The following SPAG6 variants were observed in gnomAD, a reference collection of about 807,000 sequenced individuals.
SPAG6 encodes sperm-associated antigen 6.
SPAG6 carries 49 observed loss-of-function variants against 58.5 expected under a neutral mutation model. The observed-to-expected ratio is 0.84, with a 90% CI of 0.67 to 1.06. SPAG6 has a LOEUF of 1.06. SPAG6 is among the 50% of genes least tolerant of loss of function. SPAG6 has a pLI of 0.00. For synonymous variants in SPAG6, 233 were observed against 225.6 expected (o/e 1.03, Z -0.29); for missense variants, 560 against 611.3 (o/e 0.92, Z 0.89).
intron 8 of SPAG6, among the ~76,000 whole-genome samples, chr10:22,397,460 G>A (rs1232615848): frequency 6.6e-6 from 1 of 152,088 alleles, no homozygotes; most frequent in Non-Finnish European, 1.5e-5. Context: ...TTACAGGCAT[G>A]TACCACCATG....
chr10:22,416,789 T>G lies in SPAG6; in HGVS notation c.*101T>G. The G allele has an allele frequency of 1.5e-6, 1 of 657,226 alleles. No homozygotes were observed. The highest frequency in any genetic ancestry group is 2.7e-6 in the Non-Finnish European group (1 of 365,086). 40.7% of individuals were successfully genotyped at this position (657,226 alleles called of 1,614,324 possible). A position where few individuals can be genotyped will look rare whatever the true frequency, so the allele number is the denominator to read the frequency against. ...TGAACTAAGTATATTCTAGATTTAT[T>G]TAATGGGAAATACCTTTAGATAATA... is the stretch of plus-strand genomic sequence containing the variant. On this transcript the variant is annotated 3_prime_UTR_variant, in exon 11 of 11. Transcript: ENST00000376624.
intron 4 of SPAG6, among the ~76,000 whole-genome samples, chr10:22,383,941 C>T (rs1451638502): frequency 1.3e-5 from 2 of 152,198 alleles, no homozygotes; most frequent in Non-Finnish European, 2.9e-5. Flanking sequence ...GTACAGACAC[C>T]AAGCATAAGA....
intron 4 of SPAG6, among the ~76,000 whole-genome samples, chr10:22,373,166 T>C (rs1014951009): frequency 6.6e-6 from 1 of 152,194 alleles, no homozygotes; most frequent in Non-Finnish European, 1.5e-5. Context: ...AGTTGGGAGA[T>C]GAGCTTGCTG....
chr10:22,416,437 TC>T (rs1445603620), intron 10 of SPAG6, among the ~76,000 whole-genome samples, 181 bp from the exon 11 acceptor site: 1 of 152,194 alleles, frequency 6.6e-6, no homozygotes, highest in Non-Finnish European at 1.5e-5. Flanking sequence ...TTTTATGAAT[TC>T]GTATTTTCCT....
At chr10:22,382,919 T>C (rs1218845022) in intron 4 of SPAG6, among the ~76,000 whole-genome samples, 1 of 152,232 alleles carries the variant, frequency 6.6e-6, no homozygotes, top group Non-Finnish European at 1.5e-5. Context: ...CAACCCAGTA[T>C]AAATGCTGTT....
At chr10:22,375,585 C>CTTT (rs928312845) in intron 4 of SPAG6, among the ~76,000 whole-genome samples, 1 of 126,192 alleles carries the variant, frequency 7.9e-6, no homozygotes, top group Non-Finnish European at 1.7e-5. Flanking sequence ...AAAGGATTTT[C>CTTT]TTTTTTTTTT....
Position 22,416,887 on chromosome 10 carries a change from T to C in SPAG6, c.*199T>C. On this transcript the variant is annotated 3_prime_UTR_variant, in exon 11 of 11. Transcript: ENST00000376624. ...GAGGAACTATTCATGGTCATTCGCATGCATAGGATTTGTTCTACAGGTAGA... is the reference window on the plus strand; with the variant it reads ...GAGGAACTATTCATGGTCATTCGCACGCATAGGATTTGTTCTACAGGTAGA... 2.4e-6 allele frequency: 1 copy of C among 420,924 alleles called. No individual in the cohort carries two copies. The allele number at this position is 420,924 out of a possible 1,614,324, so 26.1% of individuals were successfully genotyped here. A position where few individuals can be genotyped will look rare whatever the true frequency, so the allele number is the denominator to read the frequency against.
chr10:22,376,444 A>G (rs867994813), intron 4 of SPAG6, among the ~76,000 whole-genome samples: 10 of 152,216 alleles, frequency 6.6e-5, no homozygotes, highest in African/African-American at 2.4e-4. Context: ...AAATTACATT[A>G]TGTAGATAAT....
Position 22,379,565 on chromosome 10 carries a change from G to A in SPAG6, c.473-7189G>A, listed in dbSNP as rs75610312. ...TAAAGATTCCCTTTAACCCTCCCAC[G>A]AGTGTGCCTGGACACATATCCTCAA... is the stretch of plus-strand genomic sequence containing the variant. On this transcript the variant is annotated intron_variant, in intron 4 of 10. Transcript: ENST00000376624. Among the ~76,000 whole-genome samples the A allele has an allele frequency of 3.5e-4, 53 of 152,182 alleles. 2 individuals carry two copies. In the East Asian group the frequency reaches 9.3e-3, roughly 27 times the overall value.
At chr10:22,361,103 G>T in intron 2 of SPAG6, 1 of 395,268 alleles carries the variant, frequency 2.5e-6, no homozygotes, top group Non-Finnish European at 4.5e-6. Flanking sequence ...TAGAAATTTG[G>T]GGTACTATTT....
rs76281730 is a variant in SPAG6 at position 22,359,276 on chromosome 10, A to C, written c.122-5577A>C. Reference sequence around the variant, plus strand: ...TTGAATGAACTATAGTAGTAGTGTCATAGTAAGTGGTTACATAGAATGTAG... The same window carrying C: ...TTGAATGAACTATAGTAGTAGTGTCCTAGTAAGTGGTTACATAGAATGTAG... On this transcript the variant is annotated intron_variant, in intron 2 of 10. Coordinates refer to ENST00000376624, the MANE Select transcript of SPAG6 (RefSeq NM_012443.4). 1,544 of 191,790 alleles carry C rather than the reference A, an allele frequency of 8.1e-3. 25 individuals are homozygous for C. Among genetic ancestry groups the C allele is most frequent in the African/African-American group, 0.034 (1,421 of 42,326 alleles). The allele number at this position is 191,790 out of a possible 1,614,324, so 11.9% of individuals were successfully genotyped here.
At chr10:22,412,626 A>C in intron 10 of SPAG6, 1 of 575,000 alleles carries the variant, frequency 1.7e-6, no homozygotes, top group South Asian at 2.8e-5. Flanking sequence ...GCTGGAGTGC[A>C]GTAGCGCGAT....
At chr10:22,406,406 A>T (rs1475910899) in intron 9 of SPAG6, among the ~76,000 whole-genome samples, 1 of 152,128 alleles carries the variant, frequency 6.6e-6, no homozygotes, top group African/African-American at 2.4e-5. Context: ...TCCAGTAGTT[A>T]TTCAGGAGCA....
At chr10:22,371,287 T>C (rs1833685323) in intron 4 of SPAG6, among the ~76,000 whole-genome samples, 1 of 152,182 alleles carries the variant, frequency 6.6e-6, no homozygotes, top group Non-Finnish European at 1.5e-5. Flanking sequence ...GGAGTCTTGC[T>C]CTGTCGCCCA....
At chr10:22,406,760 G>T (rs1424407068) in intron 9 of SPAG6, among the ~76,000 whole-genome samples, 1 of 152,222 alleles carries the variant, frequency 6.6e-6, no homozygotes, top group East Asian at 1.9e-4. Context: ...CATTATTATT[G>T]TGTGGGAGTC....
Position 22,411,349 on chromosome 10 carries a change from G to A in SPAG6, c.1460+173G>A, listed in dbSNP as rs143210897. ...CCCCTGCCAAATTAATTAATGATCT[G>A]ACTGACACGCACATTTCCAATTCAA... On this transcript the variant is annotated intron_variant, in intron 10 of 10. Transcript: ENST00000376624. The A allele has an allele frequency of 1.4e-3, 700 of 513,754 alleles. 3 individuals are homozygous for A. Among genetic ancestry groups the A allele is most frequent in the African/African-American group, 0.013 (646 of 51,072 alleles). The allele number at this position is 513,754 out of a possible 1,614,324, so 31.8% of individuals were successfully genotyped here. A position where few individuals can be genotyped will look rare whatever the true frequency, so the allele number is the denominator to read the frequency against.
At chr10:22,380,616 A>AT (rs111881033) in intron 4 of SPAG6, among the ~76,000 whole-genome samples, 40 of 147,982 alleles carry the variant, frequency 2.7e-4, no homozygotes, top group South Asian at 8.5e-4. Flanking sequence ...CAAAATGTAG[A>AT]TTTTTTTTTT....
At chr10:22,397,356 A>G (rs948841415) in intron 8 of SPAG6, among the ~76,000 whole-genome samples, 7 of 152,316 alleles carry the variant, frequency 4.6e-5, no homozygotes, top group African/African-American at 1.7e-4. Flanking sequence ...GCTGCTGCCC[A>G]GGCTGGATTG....
intron 10 of SPAG6, chr10:22,412,299 C>A: frequency 1.8e-6 from 1 of 551,144 alleles, no homozygotes; most frequent in Non-Finnish European, 3.2e-6. Context: ...CATGCTGTAA[C>A]ATATACTTAC....
Sources: gnomAD v4.1 joint callset for allele counts (sites outside exome capture counted in the v4.1 genomes callset) on GRCh38, gnomAD v4.1.1 for gene constraint, MANE v1.5 for transcripts, NCBI Gene and HGNC (gene_info 2026-07-23, HGNC 2026-07-21) for gene names.